TRIOBP: variants seen among roughly 807,000 people sequenced by gnomAD.
TRIOBP encodes TRIO and F-actin-binding protein.
In TRIOBP, 169 loss-of-function variants were observed where a neutral mutation model predicts 238.8. The observed-to-expected ratio is 0.71, with a 90% CI of 0.62 to 0.80. The LOEUF (loss-of-function observed/expected upper bound fraction) is 0.80. Ranked by LOEUF, TRIOBP falls within the 30% of genes least tolerant of loss-of-function variation. The probability of loss-of-function intolerance (pLI) is 0.00; values close to 1 mark genes in which losing one functional copy is unlikely to be tolerated. For synonymous variants in TRIOBP, 1,150 were observed against 1,274.4 expected (o/e 0.90, Z 2.08); for missense variants, 2,838 against 3,122.6 (o/e 0.91, Z 2.17).
chr22:37,759,880 T>G (rs970225741), intron 17 of TRIOBP: 32 of 545,720 alleles, frequency 5.9e-5, no homozygotes, highest in Non-Finnish European at 7.8e-5. Context: ...ATATATAAGT[T>G]TATTATAAAT....
Position 37,776,375 on chromosome 22 carries a change from A to T in TRIOBP, c.*2595A>T, listed in dbSNP as rs1435335127. On this transcript the variant is annotated 3_prime_UTR_variant, in exon 24 of 24. Transcript: ENST00000644935. ...TTGCACCCACGGCAGGAAACTGACC[A>T]GCTTCTCATCAAGTTAAATACGCAT... 1.3e-5 allele frequency: 2 copies of T among 152,240 alleles called. No homozygotes were observed. Among genetic ancestry groups the T allele is most frequent in the Non-Finnish European group, 2.9e-5 (2 of 68,040 alleles). 9.4% of individuals were successfully genotyped at this position (152,240 alleles called of 1,614,324 possible).
chr22:37,742,259 T>TG (rs199807283), intron 11 of TRIOBP, among the ~76,000 whole-genome samples: 19,081 of 139,278 alleles, frequency 0.14, 3,156 homozygotes, highest in African/African-American at 0.39. Context: ...CGCCAGGCGT[T>TG]TTTTTTTTTT....
intron 7 of TRIOBP, among the ~76,000 whole-genome samples, chr22:37,727,129 G>A (rs1270095555): frequency 4.0e-5 from 6 of 151,196 alleles, no homozygotes; most frequent in African/African-American, 9.7e-5. Context: ...GGCTGGTCTC[G>A]AACTCCTGAC....
In TRIOBP at chr22:37,725,019, G is replaced by C. The variant is rs780573660; in HGVS notation, c.2463G>C (p.Gln821His). ...QQDNPRTCIQ[Q>H]NIPRSSSTQQ... is the part of the protein sequence containing the mutation. ...ACAACCCCAGAACTTGTATTCAACAGAACATCCCCAGATCATCTTCTACCC... is the reference window on the plus strand; with the variant it reads ...ACAACCCCAGAACTTGTATTCAACACAACATCCCCAGATCATCTTCTACCC... The change falls in exon 7 of 24, where the codon CAG (glutamine) becomes CAC (histidine). Residue 821 changes from glutamine (Q) to histidine (H), a missense_variant. Gln to His is a conservative substitution (Grantham distance 24). This residue lies in a region of TRIOBP where 2,096 missense variants were observed against 2,137.4 expected (regional missense o/e 0.98). Transcript: ENST00000644935. 4 of 1,613,840 alleles carry C rather than the reference G, an allele frequency of 2.5e-6. No individual in the cohort carries two copies. The African/African-American group carries it at 5.3e-5, about 22-fold the overall frequency.
In TRIOBP at chr22:37,735,326, T is replaced by C. The variant is rs765174876; in HGVS notation, c.4990T>C (p.Trp1664Arg). The C allele has an allele frequency of 6.2e-7, 1 of 1,613,094 alleles. No individual in the cohort carries two copies. Among genetic ancestry groups the C allele is most frequent in the Non-Finnish European group, 8.5e-7 (1 of 1,179,692 alleles). Residue 1664 changes from tryptophan (W) to arginine (R), a missense_variant, in exon 9 of 24, where the codon TGG (tryptophan) becomes CGG (arginine). Around this residue, in one of 5 missense-constraint regions of TRIOBP, gnomAD observed 2,096 missense variants for 2,137.4 expected, o/e 0.98. Coordinates refer to ENST00000644935, the MANE Select transcript of TRIOBP (RefSeq NM_001039141.3). ...LPSPACTSTQ[W>R]PKIKVTRGPA... Reference sequence around the variant, plus strand: ...CAGCCCTGCCTGCACCTCCACCCAGTGGCCAAAGATCAAAGTGACAAGAGG... The same window carrying C: ...CAGCCCTGCCTGCACCTCCACCCAGCGGCCAAAGATCAAAGTGACAAGAGG...
chr22:37,735,295 G>A lies in TRIOBP; in HGVS notation c.4959G>A (p.Gln1653=). The change falls in exon 9 of 24, where the codon CAG becomes CAA. Residue 1653 remains glutamine, a synonymous_variant. Transcript: ENST00000644935. The part of the protein sequence containing the change: ...SPALQSQSPV[Q]LPSPACTSTQ... ...CACTGCAGTCCCAGAGCCCGGTCCA[G>A]CTGCCCAGCCCTGCCTGCACCTCCA... is the stretch of plus-strand genomic sequence containing the variant. The A allele has an allele frequency of 6.2e-7, 1 of 1,611,038 alleles. No homozygotes were observed. Among genetic ancestry groups the A allele is most frequent in the Non-Finnish European group, 8.5e-7 (1 of 1,177,964 alleles).
chr22:37,746,290 C>T (rs1405421978), intron 11 of TRIOBP: 3 of 1,084,740 alleles, frequency 2.8e-6, no homozygotes, highest in Non-Finnish European at 3.3e-6. Context: ...GGGCCGGAGG[C>T]GCGGCGGCGG....
intron 7 of TRIOBP, among the ~76,000 whole-genome samples, chr22:37,732,936 TTGTC>T (rs1482692008): frequency 1.3e-5 from 2 of 152,166 alleles, no homozygotes; most frequent in Non-Finnish European, 1.5e-5. Context: ...AGTCTAACCT[TTGTC>T]TGGGGGTGGC....
chr22:37,767,310 A>AC (rs1426868755), intron 18 of TRIOBP, among the ~76,000 whole-genome samples: 3 of 150,594 alleles, frequency 2.0e-5, no homozygotes, highest in East Asian at 1.9e-4. Flanking sequence ...GTCTCAAAAA[A>AC]AAAAAGAAAG....
Position 37,751,818 on chromosome 22 carries a change from A to T in TRIOBP, c.5369A>T (p.Glu1790Val). The change falls in exon 12 of 24, where the codon GAG (glutamate) becomes GTG (valine). Residue 1790 changes from glutamate to valine, a missense_variant. Transcript: ENST00000644935. The part of the protein sequence containing the change: ...FKKGWMSILD[E>V]PGEPPSPSLT... The stretch of plus-strand genomic sequence containing the variant: ...AAGGGATGGATGTCGATCTTGGACG[A>T]GCCTGGAGAGGTAAGAGGACTGAGG... 6.2e-7 allele frequency: 1 copy of T among 1,613,674 alleles called. No individual in the cohort carries two copies. Among genetic ancestry groups the T allele is most frequent in the Non-Finnish European group, 8.5e-7 (1 of 1,179,888 alleles).
intron 11 of TRIOBP, among the ~76,000 whole-genome samples, chr22:37,747,697 C>A (rs1017511223): frequency 6.6e-6 from 1 of 152,206 alleles, no homozygotes; most frequent in Non-Finnish European, 1.5e-5. Context: ...GGTGCCTGCC[C>A]GGCCCTCAGC....
chr22:37,741,166 A>C, intron 11 of TRIOBP, 134 bp downstream of exon 11: 2 of 1,235,884 alleles, frequency 1.6e-6, no homozygotes, highest in South Asian at 2.8e-5. Context: ...GCATGACAGG[A>C]GAGGTGGGAG....
chr22:37,738,625 CT>C lies in TRIOBP; in HGVS notation c.5107-10del, dbSNP rs1313822992. Reference sequence around the variant, plus strand: ...AGAATAAGTTGGGCTAAGCTGTGTTCTTTTTTTAATCTCCAGTTCCAACCAG... The same window carrying C: ...AGAATAAGTTGGGCTAAGCTGTGTTCTTTTTTAATCTCCAGTTCCAACCAG... On this transcript the variant is annotated splice_polypyrimidine_tract_variant and intron_variant, in intron 9 of 23. Coordinates refer to ENST00000644935, the MANE Select transcript of TRIOBP (RefSeq NM_001039141.3). The C allele has an allele frequency of 1.2e-6, 2 of 1,612,936 alleles. No individual in the cohort carries two copies. Among genetic ancestry groups the C allele is most frequent in the Admixed American group, 1.7e-5 (1 of 59,934 alleles).
chr22:37,754,417 C>CA (rs11428898), intron 12 of TRIOBP, among the ~76,000 whole-genome samples: 40,130 of 82,456 alleles, frequency 0.49, 8,378 homozygotes, highest in African/African-American at 0.58. Flanking sequence ...TCCTCCATCT[C>CA]AAAAAAAAAA....
chr22:37,763,323 G>A (rs1159259853), intron 17 of TRIOBP, among the ~76,000 whole-genome samples: 2 of 152,246 alleles, frequency 1.3e-5, no homozygotes, highest in Non-Finnish European at 2.9e-5. Flanking sequence ...TTCACTCCAA[G>A]GCGCAGCCAG....
At position 37,725,835 on chromosome 22, in the gene TRIOBP, T is replaced by G; in HGVS notation, c.3279T>G (p.Asp1093Glu). 6.3e-7 allele frequency: 1 copy of G among 1,580,612 alleles called. No homozygotes were observed. The highest frequency in any genetic ancestry group is 8.6e-7 in the Non-Finnish European group (1 of 1,166,952). ...TCCCCTTCCTCCCAGACACATCAGA[T>G]GCCGAGCATCAGTGTCAGTCCCCCC... ...DPFPFLPDTS[D>E]AEHQCQSPQH... Residue 1093 changes from aspartate to glutamate, a missense_variant, in exon 7 of 24, where the codon GAT (aspartate) becomes GAG (glutamate). This residue lies in a region of TRIOBP where 2,096 missense variants were observed against 2,137.4 expected (regional missense o/e 0.98). Transcript: ENST00000644935.
intron 3 of TRIOBP, among the ~76,000 whole-genome samples, chr22:37,705,699 C>G (rs1922908195): frequency 6.6e-6 from 1 of 151,298 alleles, no homozygotes; most frequent in African/African-American, 2.4e-5. Flanking sequence ...CCTCAGCCTC[C>G]CAGGTAGCTG....
chr22:37,769,206 T>A lies in TRIOBP; in HGVS notation c.6735+19T>A, dbSNP rs1316676312. On this transcript the variant is annotated intron_variant, in intron 20 of 23. Transcript: ENST00000644935. The stretch of plus-strand genomic sequence containing the variant: ...CAACCAGGTGGGCCTGGCCCCAGGT[T>A]GGGGGGACACGGGTGGGTCCCGGCA... 6 of 1,593,444 alleles carry A rather than the reference T, an allele frequency of 3.8e-6. No individual in the cohort carries two copies. Among genetic ancestry groups the A allele is most frequent in the Non-Finnish European group, 5.1e-6 (6 of 1,169,746 alleles).
At chr22:37,754,780 C>T (rs1322459657) in intron 12 of TRIOBP, 97 bp from the exon 13 acceptor site, 1 of 1,289,166 alleles carries the variant, frequency 7.8e-7, no homozygotes, top group African/African-American at 1.5e-5. Context: ...TTTTCCGCCT[C>T]CCCACCCCTC....
Sources: gnomAD v4.1 joint callset for allele counts (sites outside exome capture counted in the v4.1 genomes callset) on GRCh38, gnomAD v4.1.1 for gene constraint, gnomAD v4.1.1 regional missense constraint, MANE v1.5 for transcripts, NCBI Gene and HGNC (gene_info 2026-07-23, HGNC 2026-07-21) for gene names.